OSBPL10: variants seen among roughly 807,000 people sequenced by gnomAD.
OSBPL10 encodes oxysterol-binding protein-related protein 10.
OSBPL10 carries 49 observed loss-of-function variants against 81.7 expected under a neutral mutation model. The ratio of observed to expected loss-of-function variants is 0.60; its 90% CI spans 0.48 to 0.76. The LOEUF (loss-of-function observed/expected upper bound fraction) is 0.76, where lower values mean the gene tolerates loss of function less well. Ranked by LOEUF, OSBPL10 falls within the 30% of genes least tolerant of loss-of-function variation. The pLI, the probability that OSBPL10 is intolerant of heterozygous loss-of-function variation, is 0.00. For synonymous variants in OSBPL10, 419 were observed against 383.6 expected (o/e 1.09, Z -1.08); for missense variants, 923 against 987.8 (o/e 0.93, Z 0.88).
At chr3:31,747,852 G>GAA in intron 5 of OSBPL10, 58 bp downstream of exon 5, 7 of 1,517,034 alleles carry the variant, frequency 4.6e-6, no homozygotes, top group Non-Finnish European at 6.4e-6. Flanking sequence ...AAGACAGTGG[G>GAA]ACACAGACAC....
intron 3 of OSBPL10, among the ~76,000 whole-genome samples, chr3:31,869,755 T>G (rs1376051114): frequency 3.3e-5 from 5 of 152,234 alleles, no homozygotes; most frequent in Non-Finnish European, 7.3e-5. Context: ...GCCTGTCATT[T>G]AGGTTCAGTT....
At chr3:31,910,959 A>G (rs1338744076) in intron 1 of OSBPL10, among the ~76,000 whole-genome samples, 1 of 152,210 alleles carries the variant, frequency 6.6e-6, no homozygotes. Flanking sequence ...AGAATAAAAG[A>G]ACATTGTCTT....
chr3:31,854,785 A>G (rs921714171), intron 3 of OSBPL10, among the ~76,000 whole-genome samples: 13 of 152,206 alleles, frequency 8.5e-5, no homozygotes, highest in African/African-American at 3.1e-4. Flanking sequence ...TTATACGAAT[A>G]AATGAATGAA....
At chr3:31,809,224 A>G (rs1265571559) in intron 4 of OSBPL10, among the ~76,000 whole-genome samples, 1 of 152,228 alleles carries the variant, frequency 6.6e-6, no homozygotes, top group African/African-American at 2.4e-5. Flanking sequence ...ACTACAACAA[A>G]CAATAAAAGA....
chr3:31,801,686 A>T (rs1254427937), intron 4 of OSBPL10, among the ~76,000 whole-genome samples: 1 of 152,216 alleles, frequency 6.6e-6, no homozygotes, highest in Non-Finnish European at 1.5e-5. Flanking sequence ...TGTCCATTGC[A>T]AGGAAAGAAA....
chr3:31,866,380 A>G (rs1022434597), intron 3 of OSBPL10, among the ~76,000 whole-genome samples: 8 of 151,840 alleles, frequency 5.3e-5, no homozygotes, highest in African/African-American at 1.9e-4. Context: ...CTATCCACAC[A>G]CTCCTGTGCA....
At chr3:31,757,032 G>C (rs1022709683) in intron 4 of OSBPL10, among the ~76,000 whole-genome samples, 1 of 152,120 alleles carries the variant, frequency 6.6e-6, no homozygotes, top group African/African-American at 2.4e-5. Context: ...AACAAAGTTG[G>C]TGTCTCTCTG....
At chr3:31,752,939 T>C (rs546771735) in intron 4 of OSBPL10, among the ~76,000 whole-genome samples, 31 of 152,316 alleles carry the variant, frequency 2.0e-4, no homozygotes, top group African/African-American at 7.5e-4. Context: ...GCTGCTTGTC[T>C]TGTTGGCAGA....
At chr3:31,694,370 CAAAAAAAAAAAAAA>C (rs747631578) in intron 7 of OSBPL10, among the ~76,000 whole-genome samples, 8 of 62,828 alleles carry the variant, frequency 1.3e-4, no homozygotes, top group Admixed American at 8.2e-4. Context: ...GACTCTGTCT[CAAAAAAAAAAAAAA>C]AAAAAAAAAA....
intron 6 of OSBPL10, among the ~76,000 whole-genome samples, chr3:31,727,320 G>A (rs73053309): frequency 0.018 from 2,746 of 151,888 alleles, 38 homozygotes; most frequent in Non-Finnish European, 0.026. Flanking sequence ...ACAACCACTC[G>A]AGTTTGAGGA....
intron 4 of OSBPL10, among the ~76,000 whole-genome samples, chr3:31,782,680 G>A (rs977990152): frequency 6.6e-6 from 1 of 152,008 alleles, no homozygotes; most frequent in Non-Finnish European, 1.5e-5. Context: ...GCCAAACACA[G>A]GAAAAAATGC....
intron 3 of OSBPL10, among the ~76,000 whole-genome samples, chr3:31,834,530 C>G (rs768039881): frequency 6.6e-6 from 1 of 151,806 alleles, no homozygotes; most frequent in Non-Finnish European, 1.5e-5. Flanking sequence ...TGCACATAAT[C>G]ACACAGGCCT....
At chr3:31,922,086 C>A (rs1696934573) in intron 1 of OSBPL10, among the ~76,000 whole-genome samples, 1 of 152,084 alleles carries the variant, frequency 6.6e-6, no homozygotes, top group Non-Finnish European at 1.5e-5. Context: ...TCAAGAGGAG[C>A]CTAAGGGGCA....
chr3:31,693,715 G>C (rs1184986434), intron 7 of OSBPL10, among the ~76,000 whole-genome samples: 1 of 152,188 alleles, frequency 6.6e-6, no homozygotes, highest in Non-Finnish European at 1.5e-5. Context: ...GGTTGCAGTA[G>C]ACACAATACG....
chr3:32,013,403 A>G (rs1258355272), intron 2 of OSBPL10, among the ~76,000 whole-genome samples: 1 of 152,238 alleles, frequency 6.6e-6, no homozygotes, highest in Non-Finnish European at 1.5e-5. Flanking sequence ...CAACGAGAAC[A>G]AAGACACAAC....
intron 5 of OSBPL10, among the ~76,000 whole-genome samples, chr3:31,746,954 C>A (rs1040995167): frequency 4.0e-5 from 6 of 151,888 alleles, no homozygotes; most frequent in Admixed American, 3.9e-4. Flanking sequence ...TGCACATGTA[C>A]CCTCAAACTT....
chr3:31,832,925 G>C (rs1359603529), intron 3 of OSBPL10, among the ~76,000 whole-genome samples: 2 of 152,230 alleles, frequency 1.3e-5, no homozygotes, highest in African/African-American at 4.8e-5. Flanking sequence ...ATCACCAGGG[G>C]ATGAAGGAGT....
intron 2 of OSBPL10, chr3:31,990,890 C>T (rs780565203): frequency 2.0e-5 from 32 of 1,575,794 alleles, no homozygotes; most frequent in Non-Finnish European, 2.4e-5. Flanking sequence ...AAAGCCTTTA[C>T]TTCACATTCA....
At chr3:32,038,231 A>G (rs1052580840) in intron 2 of OSBPL10, among the ~76,000 whole-genome samples, 13 of 152,242 alleles carry the variant, frequency 8.5e-5, no homozygotes, top group African/African-American at 2.9e-4. Context: ...GCGAGCCCCA[A>G]AAACATTACG....
Sources: allele counts gnomAD v4.1 joint callset (sites outside exome capture counted in the v4.1 genomes callset), GRCh38; gene constraint gnomAD v4.1.1; transcripts MANE v1.5; gene names NCBI Gene and HGNC (gene_info 2026-07-23, HGNC 2026-07-21).